ESRRB: variants seen among roughly 807,000 people sequenced by gnomAD.
ESRRB encodes the protein steroid hormone receptor ERR2.
In ESRRB, 16 loss-of-function variants were observed where a neutral mutation model predicts 46.0. The observed-to-expected ratio is 0.35, with a 90% CI of 0.24 to 0.53. The LOEUF (loss-of-function observed/expected upper bound fraction) is 0.53, where lower values mean the gene tolerates loss of function less well. ESRRB is among the 20% of genes least tolerant of loss of function. The pLI is 0.93. For missense variants in ESRRB, 488 were observed against 607.4 expected, an observed-to-expected ratio of 0.80 and a Z score of 2.07; for synonymous variants, 246 against 259.6, an observed-to-expected ratio of 0.95 and a Z score of 0.50.
At chr14:76,429,673 C>T (rs1414695506) in intron 1 of ESRRB, among the ~76,000 whole-genome samples, 4 of 152,110 alleles carry the variant, frequency 2.6e-5, no homozygotes, top group Non-Finnish European at 4.4e-5. Context: ...TCGCTTGAAC[C>T]CGGGAGGTAG....
intron 1 of ESRRB, among the ~76,000 whole-genome samples, chr14:76,320,724 G>A (rs1883857007): frequency 6.6e-6 from 1 of 152,288 alleles, no homozygotes; most frequent in South Asian, 2.1e-4. Context: ...CTCCCTTGAG[G>A]CCCTCCCTCA....
At position 76,500,423 on chromosome 14, in the gene ESRRB, G is replaced by A. The variant is rs1442204745; in HGVS notation, c.*1965G>A. On this transcript the variant is annotated 3_prime_UTR_variant, in exon 7 of 7. Coordinates refer to ENST00000644823, the MANE Select transcript of ESRRB (RefSeq NM_001379180.1). ...TCATTTGGGTGGAGGCACACATTTG[G>A]GGCAAAGGCCCCTTCTTGGCATCAA... 6 of 589,300 alleles carry A rather than the reference G, an allele frequency of 1.0e-5. No homozygotes were observed. The East Asian group carries it at 1.1e-4, about 11-fold the overall frequency. 36.5% of individuals were successfully genotyped at this position (589,300 alleles called of 1,614,324 possible). A position where few individuals can be genotyped will look rare whatever the true frequency, so the allele number is the denominator to read the frequency against.
At chr14:76,411,224 G>A (rs146719504) in intron 1 of ESRRB, among the ~76,000 whole-genome samples, 2,428 of 151,562 alleles carry the variant, frequency 0.016, 70 homozygotes, top group African/African-American at 0.056. Context: ...AAGGCAGGCA[G>A]ATCACCTGAG....
chr14:76,320,598 G>A (rs1883855662), intron 1 of ESRRB, among the ~76,000 whole-genome samples: 1 of 152,178 alleles, frequency 6.6e-6, no homozygotes, highest in Admixed American at 6.5e-5. Flanking sequence ...CGCTTTGGAT[G>A]TACTAATGAG....
intron 1 of ESRRB, among the ~76,000 whole-genome samples, chr14:76,328,133 T>C (rs1345263201): frequency 6.6e-6 from 1 of 152,166 alleles, no homozygotes; most frequent in African/African-American, 2.4e-5. Context: ...TACTTCCCCA[T>C]TTTATAGGAT....
chr14:76,420,266 C>G (rs1886885303), intron 1 of ESRRB, among the ~76,000 whole-genome samples: 1 of 152,086 alleles, frequency 6.6e-6, no homozygotes, highest in Non-Finnish European at 1.5e-5. Context: ...TTCAGGCCCC[C>G]CCAGCAGATG....
intron 2 of ESRRB, among the ~76,000 whole-genome samples, chr14:76,444,188 A>G (rs1335575943): frequency 2.6e-5 from 4 of 151,844 alleles, no homozygotes; most frequent in Non-Finnish European, 5.9e-5. Context: ...CTGTGCCACC[A>G]CACCCGACTA....
intron 1 of ESRRB, among the ~76,000 whole-genome samples, chr14:76,316,553 A>G (rs1328978902): frequency 1.3e-5 from 2 of 152,202 alleles, no homozygotes; most frequent in African/African-American, 4.8e-5. Context: ...CAGTAAACAC[A>G]TGCAGAGTGA....
chr14:76,333,451 A>ATATTTATATATGATATAT (rs1310959303), intron 1 of ESRRB, among the ~76,000 whole-genome samples: 1 of 131,946 alleles, frequency 7.6e-6, no homozygotes, highest in African/African-American at 2.8e-5. Context: ...ATATATAAGT[A>ATATTTATATATGATATAT]TATCATATAT....
At chr14:76,484,199 G>A (rs1179575042) in intron 5 of ESRRB, among the ~76,000 whole-genome samples, 1 of 152,204 alleles carries the variant, frequency 6.6e-6, no homozygotes, top group East Asian at 1.9e-4. Flanking sequence ...GTCCTTCCAT[G>A]TGAGACCTTA....
intron 1 of ESRRB, among the ~76,000 whole-genome samples, chr14:76,312,291 C>A (rs570155498): frequency 1.3e-5 from 2 of 152,098 alleles, no homozygotes; most frequent in Non-Finnish European, 2.9e-5. Flanking sequence ...GATATACACA[C>A]GTATGTTTAG....
chr14:76,485,626 TGA>T (rs151021182), intron 5 of ESRRB, among the ~76,000 whole-genome samples: 1,862 of 143,878 alleles, frequency 0.013, 39 homozygotes, highest in African/African-American at 0.042. Flanking sequence ...TCCCTATCCC[TGA>T]GAGAGAGAGA....
At chr14:76,445,010 A>C (rs759023015) in intron 2 of ESRRB, among the ~76,000 whole-genome samples, 3 of 151,596 alleles carry the variant, frequency 2.0e-5, no homozygotes, top group African/African-American at 4.9e-5. Context: ...CTCTACAATA[A>C]ATTTTTTAAA....
At chr14:76,358,325 AAGAAAG>A (rs1884412037) in intron 1 of ESRRB, among the ~76,000 whole-genome samples, 1 of 15,102 alleles carries the variant, frequency 6.6e-5, no homozygotes, top group African/African-American at 2.2e-4. Flanking sequence ...AAAAAAAAAA[AAGAAAG>A]AAAGAAAGAA....
chr14:76,426,223 G>A (rs1483493361), intron 1 of ESRRB, among the ~76,000 whole-genome samples: 3 of 152,160 alleles, frequency 2.0e-5, no homozygotes, highest in African/African-American at 7.2e-5. Flanking sequence ...CCTGAAGATG[G>A]GGGAAGAGAG....
intron 3 of ESRRB, among the ~76,000 whole-genome samples, chr14:76,475,022 A>G (rs1335918333): frequency 6.6e-6 from 1 of 152,056 alleles, no homozygotes; most frequent in Non-Finnish European, 1.5e-5. Flanking sequence ...TGAGGTCAGG[A>G]GTTCGAGACC....
chr14:76,326,421 G>A (rs944786825), intron 1 of ESRRB, among the ~76,000 whole-genome samples: 13 of 152,136 alleles, frequency 8.5e-5, no homozygotes, highest in East Asian at 1.9e-4. Flanking sequence ...GATCCCTGGC[G>A]AGTTAATCTG....
At chr14:76,435,649 G>A (rs572743101) in intron 1 of ESRRB, among the ~76,000 whole-genome samples, 7 of 152,332 alleles carry the variant, frequency 4.6e-5, no homozygotes, top group Admixed American at 3.3e-4. Context: ...GGCCAACAGG[G>A]TGAAACCCCC....
chr14:76,466,769 G>T (rs1420533057), intron 3 of ESRRB, among the ~76,000 whole-genome samples: 1 of 151,856 alleles, frequency 6.6e-6, no homozygotes, highest in East Asian at 1.9e-4. Flanking sequence ...CTGTCGCCAG[G>T]CTGGAGTGCA....
Sources: allele counts gnomAD v4.1 joint callset (sites outside exome capture counted in the v4.1 genomes callset), GRCh38; gene constraint gnomAD v4.1.1; transcripts MANE v1.5; gene names NCBI Gene and HGNC (gene_info 2026-07-23, HGNC 2026-07-21).